SULF1: variants seen among roughly 807,000 people sequenced by gnomAD.
SULF1 encodes sulfatase 1, also known as extracellular sulfatase Sulf-1.
SULF1 carries 46 observed loss-of-function variants against 110.5 expected under a neutral mutation model. That is an observed-to-expected ratio of 0.42 (90% CI 0.33 to 0.53). The LOEUF (loss-of-function observed/expected upper bound fraction) is 0.53, where lower values mean the gene tolerates loss of function less well. Ranked by LOEUF, SULF1 falls within the 20% of genes least tolerant of loss-of-function variation. The pLI is 0.12. For synonymous variants in SULF1, 371 were observed against 387.1 expected, an observed-to-expected ratio of 0.96 and a Z score of 0.49; for missense variants, 941 against 1,094.2, an observed-to-expected ratio of 0.86 and a Z score of 1.98.
chr8:69,648,002 CA>C (rs373580353), intron 22 of SULF1, among the ~76,000 whole-genome samples: 23 of 151,350 alleles, frequency 1.5e-4, no homozygotes, highest in African/African-American at 5.6e-4. Context: ...AGCAGGACGC[CA>C]AAATCAGAAC....
intron 22 of SULF1, among the ~76,000 whole-genome samples, chr8:69,655,340 A>C (rs1199878186): frequency 1.3e-5 from 2 of 152,206 alleles, no homozygotes; most frequent in African/African-American, 4.8e-5. Context: ...TATGAGCCCC[A>C]GTGGCTACCA....
At chr8:69,560,574 C>G (rs941667530) in intron 3 of SULF1, among the ~76,000 whole-genome samples, 1 of 152,108 alleles carries the variant, frequency 6.6e-6, no homozygotes, top group African/African-American at 2.4e-5. Context: ...ATAAGAAAAA[C>G]CTTTCTGCAT....
chr8:69,588,278 G>A (rs943729709), intron 7 of SULF1, among the ~76,000 whole-genome samples: 1 of 152,152 alleles, frequency 6.6e-6, no homozygotes, highest in African/African-American at 2.4e-5. Context: ...CCCAGCAGCT[G>A]TATTGCTTTA....
At chr8:69,648,223 C>T (rs991736481) in intron 22 of SULF1, among the ~76,000 whole-genome samples, 5 of 151,534 alleles carry the variant, frequency 3.3e-5, no homozygotes, top group African/African-American at 7.3e-5. Context: ...ATAGTCTGTT[C>T]GGGCTCTTCC....
chr8:69,503,863 G>A (rs1199552349), intron 3 of SULF1, among the ~76,000 whole-genome samples: 4 of 151,680 alleles, frequency 2.6e-5, no homozygotes, highest in East Asian at 1.9e-4. Flanking sequence ...GCAGTGGCAC[G>A]ATCTTAGCTC....
intron 3 of SULF1, among the ~76,000 whole-genome samples, chr8:69,515,414 C>T (rs1305012134): frequency 2.0e-5 from 3 of 152,150 alleles, no homozygotes; most frequent in Admixed American, 2.0e-4. Flanking sequence ...GGTGCCATGT[C>T]CCAGGGCTGC....
At chr8:69,517,908 A>T (rs868811202) in intron 3 of SULF1, among the ~76,000 whole-genome samples, 7 of 152,238 alleles carry the variant, frequency 4.6e-5, no homozygotes, top group African/African-American at 1.4e-4. Flanking sequence ...AGGAAGAAAA[A>T]TAATAAATGC....
chr8:69,629,704 C>A, intron 19 of SULF1, 25 bp downstream of exon 19: 1 of 1,570,070 alleles, frequency 6.4e-7, no homozygotes, highest in Non-Finnish European at 8.6e-7. Context: ...CCAAATGCCA[C>A]TTCCTGCCGC....
At chr8:69,574,859 T>C (rs1021005775) in intron 5 of SULF1, among the ~76,000 whole-genome samples, 1 of 152,222 alleles carries the variant, frequency 6.6e-6, no homozygotes, top group East Asian at 1.9e-4. Context: ...TGTTCTCATA[T>C]GCGTCATGTG....
At chr8:69,651,339 C>T (rs999797113) in intron 22 of SULF1, among the ~76,000 whole-genome samples, 2 of 152,062 alleles carry the variant, frequency 1.3e-5, no homozygotes. Context: ...AGGCATGAGC[C>T]ACCGCGCCCA....
intron 3 of SULF1, among the ~76,000 whole-genome samples, chr8:69,536,834 CT>C (rs778844359): frequency 6.6e-6 from 1 of 152,160 alleles, no homozygotes; most frequent in Non-Finnish European, 1.5e-5. Flanking sequence ...GCCAGGAAGT[CT>C]GGTGAGATCA....
intron 3 of SULF1, among the ~76,000 whole-genome samples, chr8:69,553,976 GCTTGAGACT>G (rs1428187730): frequency 3.3e-5 from 5 of 152,144 alleles, no homozygotes; most frequent in African/African-American, 1.2e-4. Context: ...GCACACATGT[GCTTGAGACT>G]TCATGGAAAC....
intron 3 of SULF1, among the ~76,000 whole-genome samples, chr8:69,526,835 A>AAGGAAGGAAGGAAGGAAGGG (rs1563498438): frequency 3.0e-5 from 4 of 134,770 alleles, no homozygotes; most frequent in Non-Finnish European, 6.1e-5. Context: ...GGAAGGAAGG[A>AAGGAAGGAAGGAAGGAAGGG]AGGAAGGGAG....
intron 3 of SULF1, among the ~76,000 whole-genome samples, chr8:69,533,290 G>A (rs563449183): frequency 6.6e-6 from 1 of 152,270 alleles, no homozygotes; most frequent in South Asian, 2.1e-4. Context: ...AGGACGTGCA[G>A]GTTTGTTACA....
At position 69,559,761 on chromosome 8, in the gene SULF1, G is replaced by A. The variant is rs956020005; in HGVS notation, c.-133-3778G>A. On this transcript the variant is annotated intron_variant, in intron 3 of 22. Transcript: ENST00000402687. ...CCATCATACTCCCCCAGCCACCAAG[G>A]GACTTTGTGTGAACCTCTTATCTCA... 3.3e-5 allele frequency among the ~76,000 whole-genome samples: 5 copies of A among 151,854 alleles called. No homozygotes were observed. In the South Asian group the frequency reaches 1.0e-3, roughly 31 times the overall value.
chr8:69,578,783 G>A (rs1001283522), intron 6 of SULF1, among the ~76,000 whole-genome samples: 4 of 152,016 alleles, frequency 2.6e-5, no homozygotes, highest in Non-Finnish European at 4.4e-5. Context: ...AGACACTTAG[G>A]TAATAATACA....
chr8:69,603,419 C>G (rs1013217089), intron 11 of SULF1, 99 bp downstream of exon 11: 2 of 1,573,980 alleles, frequency 1.3e-6, no homozygotes, highest in African/African-American at 2.7e-5. Context: ...GCAGAATATG[C>G]CTTGCCCACA....
chr8:69,524,202 A>C (rs1248544797), intron 3 of SULF1, among the ~76,000 whole-genome samples: 2 of 152,056 alleles, frequency 1.3e-5, no homozygotes, highest in African/African-American at 2.4e-5. Flanking sequence ...TTTAAGAAAG[A>C]TTTTGGCATG....
Position 69,603,612 on chromosome 8 carries a change from CAAG to C in SULF1, c.1207_1209del (p.Lys403del). Reference sequence around the variant, plus strand: ...ATTTTGCTTTCAGGTTTCGAACAAACAAGAAGGCCAAAATTTGGCGTGATACAT... The same window carrying C: ...ATTTTGCTTTCAGGTTTCGAACAAACAAGGCCAAAATTTGGCGTGATACAT... On this transcript the variant is annotated inframe_deletion, in exon 12 of 23. Transcript: ENST00000402687. The C allele has an allele frequency of 6.2e-7, 1 of 1,613,624 alleles. No homozygotes were observed. The highest frequency in any genetic ancestry group is 8.5e-7 in the Non-Finnish European group (1 of 1,179,548).
Sources: gnomAD v4.1 joint callset for allele counts (sites outside exome capture counted in the v4.1 genomes callset) on GRCh38, gnomAD v4.1.1 for gene constraint, MANE v1.5 for transcripts, NCBI Gene and HGNC (gene_info 2026-07-23, HGNC 2026-07-21) for gene names.